ACSM2B: variants seen among roughly 807,000 people sequenced by gnomAD.
ACSM2B encodes acyl-coenzyme A synthetase ACSM2B, mitochondrial.
Under a neutral mutation model 78.6 loss-of-function variants are expected in ACSM2B, and 58 were observed. The ratio of observed to expected loss-of-function variants is 0.74; its 90% CI spans 0.60 to 0.92. The LOEUF (loss-of-function observed/expected upper bound fraction) is 0.92, where lower values mean the gene tolerates loss of function less well. ACSM2B is among the 40% of genes least tolerant of loss of function. ACSM2B has a pLI of 0.00. For missense variants in ACSM2B, 688 were observed against 711.2 expected, an observed-to-expected ratio of 0.97 and a Z score of 0.37; for synonymous variants, 257 against 256.8, an observed-to-expected ratio of 1.00 and a Z score of -0.01.
At position 20,553,820 on chromosome 16, in the gene ACSM2B, G is replaced by A. The variant is rs1223894407; in HGVS notation, c.697C>T (p.His233Tyr). Reference sequence around the variant, plus strand: ...TTGAGGCCCAGGCTCGAGTAGGAATGTTCTGCCATCTTGGGAAGACCACTG... The same window carrying A: ...TTGAGGCCCAGGCTCGAGTAGGAATATTCTGCCATCTTGGGAAGACCACTG... ...GTSGLPKMAE[H>Y]SYSSLGLKAK... Residue 233 changes from histidine (H) to tyrosine (Y), a missense_variant, in exon 5 of 14, where the codon CAT becomes TAT. Physicochemically the swap from His to Tyr is moderately conservative, Grantham distance 83. Coordinates refer to ENST00000329697, the MANE Select transcript of ACSM2B (RefSeq NM_001105069.2). The A allele has an allele frequency of 1.9e-6, 3 of 1,612,728 alleles. No homozygotes were observed. The highest frequency in any genetic ancestry group is 1.3e-5 in the African/African-American group (1 of 74,902).
At chr16:20,561,501 G>A (rs980464750) in intron 2 of ACSM2B, among the ~76,000 whole-genome samples, 12 of 151,774 alleles carry the variant, frequency 7.9e-5, no homozygotes, top group African/African-American at 2.4e-4. Context: ...GAAGGGGATG[G>A]TGCTAAGTCA....
intron 12 of ACSM2B, 117 bp downstream of exon 12, chr16:20,542,797 C>G: frequency 7.5e-7 from 1 of 1,339,922 alleles, no homozygotes; most frequent in Non-Finnish European, 1.0e-6. Context: ...TAGTAAGTGG[C>G]AGGGCCAAGA....
chr16:20,542,819 A>G, intron 12 of ACSM2B, 95 bp downstream of exon 12: 2 of 1,486,774 alleles, frequency 1.3e-6, no homozygotes, highest in Non-Finnish European at 1.8e-6. Flanking sequence ...TGGGTCTCAG[A>G]GTGTTCAGCC....
At chr16:20,553,754 T>C (rs754211901) in intron 5 of ACSM2B, 23 bp downstream of exon 5, 18 of 1,600,644 alleles carry the variant, frequency 1.1e-5, no homozygotes, top group Non-Finnish European at 1.5e-5. Flanking sequence ...CAATTCTCTG[T>C]AGAGAGAAAG....
At chr16:20,552,420 G>C in intron 5 of ACSM2B, 123 bp from the exon 6 acceptor site, 1 of 1,373,986 alleles carries the variant, frequency 7.3e-7, no homozygotes, top group Non-Finnish European at 9.7e-7. Flanking sequence ...TCTGCCTGCA[G>C]GTTTATAGGC....
chr16:20,570,957 T>C (rs2016076633), intron 1 of ACSM2B, among the ~76,000 whole-genome samples: 1 of 151,560 alleles, frequency 6.6e-6, no homozygotes, highest in African/African-American at 2.4e-5. Flanking sequence ...TTGGATTTTC[T>C]CTCTTCTTTT....
At chr16:20,547,219 A>G in intron 8 of ACSM2B, 1 of 987,182 alleles carries the variant, frequency 1.0e-6, no homozygotes, top group Non-Finnish European at 1.2e-6. Context: ...TGGGAATCTG[A>G]GTGTCCTTGT....
intron 1 of ACSM2B, among the ~76,000 whole-genome samples, chr16:20,574,850 C>A (rs1484445354): frequency 2.7e-5 from 4 of 150,900 alleles, no homozygotes; most frequent in African/African-American, 7.4e-5. Context: ...TCAGTATCTG[C>A]TTCTGAAGCT....
chr16:20,559,475 G>C, intron 2 of ACSM2B, 28 bp from the exon 3 acceptor site: 1 of 1,610,378 alleles, frequency 6.2e-7, no homozygotes. Context: ...CTGTTGATTA[G>C]GGGGCATTGG....
Position 20,562,462 on chromosome 16 carries a change from C to G in ACSM2B, c.177+2207G>C, listed in dbSNP as rs550065615. Reference sequence around the variant, plus strand: ...ACACATGAGAGTGTCTGTTTCCTCACAGCCTTGCTAATAGAGTTGTTAAAA... The same window carrying G: ...ACACATGAGAGTGTCTGTTTCCTCAGAGCCTTGCTAATAGAGTTGTTAAAA... On this transcript the variant is annotated intron_variant, in intron 2 of 13. Coordinates refer to ENST00000329697, the MANE Select transcript of ACSM2B (RefSeq NM_001105069.2). 2.0e-5 allele frequency among the ~76,000 whole-genome samples: 3 copies of G among 152,308 alleles called. No individual in the cohort carries two copies. In the South Asian group the frequency reaches 6.2e-4, roughly 32 times the overall value.
chr16:20,550,508 C>CATTTT (rs1449048098), intron 6 of ACSM2B, among the ~76,000 whole-genome samples: 22 of 152,038 alleles, frequency 1.4e-4, no homozygotes, highest in Non-Finnish European at 2.6e-4. Flanking sequence ...AATGGTGGAA[C>CATTTT]TTATTAAAAA....
intron 7 of ACSM2B, 56 bp from the exon 8 acceptor site, chr16:20,548,241 A>C: frequency 1.2e-6 from 2 of 1,612,388 alleles, no homozygotes; most frequent in Non-Finnish European, 1.7e-6. Flanking sequence ...AAGTCCACTC[A>C]GGCCTAGACT....
chr16:20,558,008 G>A lies in ACSM2B; in HGVS notation c.388+1229C>T, dbSNP rs191121927. Reference sequence around the variant, plus strand: ...CTCCCTCCTGAAACTAACTGTGTCCGTGCTTGGAGATTGAAACTGCCTTTG... The same window carrying A: ...CTCCCTCCTGAAACTAACTGTGTCCATGCTTGGAGATTGAAACTGCCTTTG... On this transcript the variant is annotated intron_variant, in intron 3 of 13. Transcript: ENST00000329697. Among the ~76,000 whole-genome samples, 127 of 152,252 alleles carry A rather than the reference G, an allele frequency of 8.3e-4. 1 individual carries two copies. The highest frequency in any genetic ancestry group is 2.1e-3 in the South Asian group (10 of 4,820).
intron 6 of ACSM2B, 128 bp downstream of exon 6, chr16:20,552,016 T>C (rs2015325195): frequency 6.1e-6 from 9 of 1,463,628 alleles, no homozygotes; most frequent in Non-Finnish European, 8.2e-6. Context: ...TCTCGTTTAC[T>C]GAACACTGTT....
intron 13 of ACSM2B, among the ~76,000 whole-genome samples, chr16:20,538,741 C>A (rs1475679853): frequency 6.6e-6 from 1 of 152,114 alleles, no homozygotes; most frequent in Non-Finnish European, 1.5e-5. Context: ...AAACGTTCAG[C>A]ATTATTCTCA....
chr16:20,559,994 T>G (rs1159814487), intron 2 of ACSM2B, among the ~76,000 whole-genome samples: 3 of 151,122 alleles, frequency 2.0e-5, no homozygotes, highest in Admixed American at 6.6e-5. Flanking sequence ...TACTTACTTT[T>G]TTTAATTTTG....
chr16:20,553,746 A>T (rs752829199), intron 5 of ACSM2B, 31 bp downstream of exon 5: 3 of 1,602,176 alleles, frequency 1.9e-6, no homozygotes, highest in Non-Finnish European at 2.6e-6. Flanking sequence ...TGGTCATGCA[A>T]TTCTCTGTAG....
chr16:20,547,990 T>C, intron 8 of ACSM2B, 72 bp downstream of exon 8: 3 of 1,596,340 alleles, frequency 1.9e-6, no homozygotes, highest in South Asian at 1.1e-5. Flanking sequence ...GTGGCTAACA[T>C]GTTTTATTGT....
chr16:20,564,959 G>C, intron 1 of ACSM2B, 106 bp from the exon 2 acceptor site: 1 of 1,461,322 alleles, frequency 6.8e-7, no homozygotes, highest in Non-Finnish European at 9.1e-7. Context: ...ATTCTTCCCA[G>C]GAATTAATTT....
Sources: gnomAD v4.1 joint callset for allele counts (sites outside exome capture counted in the v4.1 genomes callset) on GRCh38, gnomAD v4.1.1 for gene constraint, MANE v1.5 for transcripts, NCBI Gene and HGNC (gene_info 2026-07-23, HGNC 2026-07-21) for gene names.